The following CSMD2 variants were observed in gnomAD, a reference collection of about 807,000 sequenced individuals.
CSMD2 encodes the protein CUB and sushi domain-containing protein 2.
In CSMD2, 130 loss-of-function variants were observed where a neutral mutation model predicts 398.5. That is an observed-to-expected ratio of 0.33 (90% CI 0.28 to 0.38). The LOEUF (loss-of-function observed/expected upper bound fraction) is 0.38. Ranked by LOEUF, CSMD2 falls within the 10% of genes least tolerant of loss-of-function variation. The probability of loss-of-function intolerance (pLI) is 1.00; values close to 1 mark genes in which losing one functional copy is unlikely to be tolerated. For synonymous variants in CSMD2, 1,828 were observed against 1,908.5 expected (o/e 0.96, Z 1.10); for missense variants, 3,829 against 4,764.9 (o/e 0.80, Z 5.78).
chr1:33,794,072 T>C (rs1401977867), intron 10 of CSMD2, among the ~76,000 whole-genome samples: 1 of 152,236 alleles, frequency 6.6e-6, no homozygotes, highest in Non-Finnish European at 1.5e-5. Flanking sequence ...GGATATTTTT[T>C]CCTAGTTGTG....
chr1:33,700,243 G>A (rs1645565849), intron 23 of CSMD2, among the ~76,000 whole-genome samples: 1 of 152,052 alleles, frequency 6.6e-6, no homozygotes, highest in Non-Finnish European at 1.5e-5. Context: ...TCCTGACCTC[G>A]TGATCCACCC....
At chr1:33,949,760 C>T (rs1317435528) in intron 3 of CSMD2, among the ~76,000 whole-genome samples, 1 of 152,144 alleles carries the variant, frequency 6.6e-6, no homozygotes. Context: ...AGTACAGAAG[C>T]CCCCACTGCT....
At chr1:33,653,093 C>A (rs932475277) in intron 27 of CSMD2, among the ~76,000 whole-genome samples, 2 of 152,204 alleles carry the variant, frequency 1.3e-5, no homozygotes, top group African/African-American at 4.8e-5. Flanking sequence ...GACCCTGCTA[C>A]TTCCTAGCTG....
intron 16 of CSMD2, 84 bp downstream of exon 16, chr1:33,726,463 C>T: frequency 1.4e-6 from 2 of 1,455,910 alleles, no homozygotes; most frequent in Middle Eastern, 2.2e-4. Flanking sequence ...GGTACTGGTC[C>T]CCTATCCACC....
At chr1:33,567,554 C>T (rs748354415) in intron 53 of CSMD2, 39 bp downstream of exon 53, 2 of 1,606,250 alleles carry the variant, frequency 1.2e-6, no homozygotes, top group South Asian at 2.2e-5. Context: ...CATGTTGAAT[C>T]TGAGCCCCAT....
At chr1:34,058,724 G>A (rs1654135874) in intron 2 of CSMD2, among the ~76,000 whole-genome samples, 1 of 152,162 alleles carries the variant, frequency 6.6e-6, no homozygotes, top group Admixed American at 6.5e-5. Context: ...CCGCACACCT[G>A]GCCTTCAGCA....
rs75183905 is a variant in CSMD2 at position 33,924,843 on chromosome 1, T to C, written c.713-6542A>G. Among the ~76,000 whole-genome samples, 290 of 152,344 alleles carry C rather than the reference T, an allele frequency of 1.9e-3. 2 individuals are homozygous for C. The highest frequency in any genetic ancestry group is 3.0e-3 in the Non-Finnish European group (202 of 68,030). On this transcript the variant is annotated intron_variant, in intron 4 of 70. Coordinates refer to ENST00000373381, the MANE Select transcript of CSMD2 (RefSeq NM_001281956.2). ...TGTTTGCCATTTTAATGTCTTCTTT[T>C]GAAAAATGTCTATTCATGTCCTTAG...
intron 22 of CSMD2, among the ~76,000 whole-genome samples, chr1:33,707,857 T>G (rs766461458): frequency 7.9e-5 from 12 of 152,150 alleles, no homozygotes; most frequent in Non-Finnish European, 1.5e-5. Flanking sequence ...AGCATGGAAA[T>G]TTAATGGTTT....
At chr1:34,132,983 T>C (rs1638300736) in intron 1 of CSMD2, among the ~76,000 whole-genome samples, 3 of 145,878 alleles carry the variant, frequency 2.1e-5, no homozygotes, top group South Asian at 4.4e-4. Flanking sequence ...TTTTTTTTGG[T>C]TCTATTTCTC....
intron 60 of CSMD2, among the ~76,000 whole-genome samples, chr1:33,539,217 C>T (rs576217625): frequency 5.9e-5 from 9 of 152,266 alleles, no homozygotes; most frequent in East Asian, 3.9e-4. Context: ...CCACCCACCT[C>T]GGCCTCCCAA....
chr1:33,716,206 G>T, intron 20 of CSMD2, 80 bp downstream of exon 20: 1 of 1,212,980 alleles, frequency 8.2e-7, no homozygotes, highest in South Asian at 1.3e-5. Flanking sequence ...TATCTGCTAG[G>T]AAAACCAGAG....
intron 3 of CSMD2, among the ~76,000 whole-genome samples, chr1:33,976,401 G>A (rs564750575): frequency 9.0e-4 from 137 of 152,280 alleles, no homozygotes; most frequent in African/African-American, 3.0e-3. Context: ...CTTTAGCCCC[G>A]GGGATCTGGC....
chr1:33,937,380 A>C (rs1317726917), intron 3 of CSMD2, among the ~76,000 whole-genome samples: 2 of 152,186 alleles, frequency 1.3e-5, no homozygotes, highest in African/African-American at 4.8e-5. Context: ...AGCAAACAGC[A>C]TGTGCAAAGG....
intron 9 of CSMD2, among the ~76,000 whole-genome samples, chr1:33,814,371 A>G (rs2124975181): frequency 6.6e-6 from 1 of 152,244 alleles, no homozygotes; most frequent in South Asian, 2.1e-4. Flanking sequence ...AATCCTAGCT[A>G]TTGCCCAGTG....
At chr1:34,121,375 C>T (rs1166406553) in intron 1 of CSMD2, among the ~76,000 whole-genome samples, 1 of 152,166 alleles carries the variant, frequency 6.6e-6, no homozygotes, top group Non-Finnish European at 1.5e-5. Context: ...GTCTCTTCTG[C>T]TTAAGCAAAA....
At chr1:33,876,009 C>T (rs537723932) in intron 5 of CSMD2, among the ~76,000 whole-genome samples, 14 of 152,306 alleles carry the variant, frequency 9.2e-5, no homozygotes, top group Admixed American at 7.8e-4. Context: ...GGCCAGCTCT[C>T]GGCAGCAAAA....
chr1:33,989,862 C>T (rs374700913), intron 3 of CSMD2, among the ~76,000 whole-genome samples: 39 of 152,062 alleles, frequency 2.6e-4, no homozygotes, highest in East Asian at 1.5e-3. Flanking sequence ...GACTAAGAAC[C>T]GGCACAAAGA....
intron 2 of CSMD2, among the ~76,000 whole-genome samples, chr1:34,082,498 G>T (rs997188168): frequency 1.3e-5 from 2 of 151,876 alleles, no homozygotes; most frequent in Non-Finnish European, 2.9e-5. Flanking sequence ...GGGAGGTGGG[G>T]GGCACCTCTG....
intron 4 of CSMD2, among the ~76,000 whole-genome samples, chr1:33,923,201 T>TG (rs1570518055): frequency 1.3e-5 from 2 of 152,196 alleles, no homozygotes; most frequent in East Asian, 3.8e-4. Flanking sequence ...CGTTGAAATG[T>TG]AATCTCCAAT....
Sources: gnomAD v4.1 joint callset for allele counts (sites outside exome capture counted in the v4.1 genomes callset) on GRCh38, gnomAD v4.1.1 for gene constraint, MANE v1.5 for transcripts, NCBI Gene and HGNC (gene_info 2026-07-23, HGNC 2026-07-21) for gene names.